MEGF11: variants seen among roughly 807,000 people sequenced by gnomAD.
MEGF11 encodes multiple epidermal growth factor-like domains protein 11.
MEGF11 carries 126 observed loss-of-function variants against 146.6 expected under a neutral mutation model. The ratio of observed to expected loss-of-function variants is 0.86; its 90% CI spans 0.74 to 1.00. The LOEUF (loss-of-function observed/expected upper bound fraction) is 1.00. Among genes scored for constraint, MEGF11 ranks in the 50% least tolerant of loss-of-function variants. MEGF11 has a pLI of 0.00. For synonymous variants in MEGF11, 532 were observed against 583.4 expected (o/e 0.91, Z 1.27); for missense variants, 1,509 against 1,521.2 (o/e 0.99, Z 0.13).
intron 5 of MEGF11, among the ~76,000 whole-genome samples, chr15:66,025,316 T>TGG (rs769808852): frequency 6.6e-6 from 1 of 151,662 alleles, no homozygotes; most frequent in African/African-American, 2.4e-5. Context: ...GATTCCTGAG[T>TGG]GGGGGGGCTC....
intron 10 of MEGF11, among the ~76,000 whole-genome samples, chr15:65,939,785 GCCCAGCCCTCTTTAACTCTCC>G (rs1289586104): frequency 6.6e-6 from 1 of 152,104 alleles, no homozygotes; most frequent in Non-Finnish European, 1.5e-5. Flanking sequence ...GAGCCACCGT[GCCCAGCCCTCTTTAACTCTCC>G]CCCAGCCCTC....
intron 10 of MEGF11, among the ~76,000 whole-genome samples, chr15:65,943,504 G>A (rs745925757): frequency 3.9e-5 from 6 of 152,078 alleles, no homozygotes; most frequent in Non-Finnish European, 7.4e-5. Flanking sequence ...GATGTATTTC[G>A]TGTGATTAAC....
rs564603552 is a variant in MEGF11, at chr15:66,147,013, C to T, written c.-8-18602G>A. Among the ~76,000 whole-genome samples, 12 of 152,328 alleles carry T rather than the reference C, an allele frequency of 7.9e-5. 1 individual carries two copies. Among genetic ancestry groups the T allele is most frequent in the Admixed American group, 2.0e-4 (3 of 15,308 alleles). ...CTCCAAGGCAGGCATAATGTGGACA[C>T]CATTCCTCACTGGGAATTGGGGATA... is the stretch of plus-strand genomic sequence containing the variant. On this transcript the variant is annotated intron_variant, in intron 1 of 25. Coordinates refer to ENST00000395614, the MANE Select transcript of MEGF11 (RefSeq NM_001385028.1).
intron 5 of MEGF11, among the ~76,000 whole-genome samples, chr15:66,079,989 G>A (rs2085777876): frequency 6.6e-6 from 1 of 152,230 alleles, no homozygotes; most frequent in Non-Finnish European, 1.5e-5. Flanking sequence ...GCATGGGAGA[G>A]AGGAGACTCA....
chr15:65,943,880 G>A (rs72742829), intron 10 of MEGF11, among the ~76,000 whole-genome samples: 4,313 of 152,214 alleles, frequency 0.028, 93 homozygotes, highest in Middle Eastern at 0.068. Flanking sequence ...AGAGCCCAGC[G>A]CCCTAGGTGA....
chr15:65,899,561 G>A (rs887107339), intron 24 of MEGF11, among the ~76,000 whole-genome samples: 2 of 152,168 alleles, frequency 1.3e-5, no homozygotes, highest in Non-Finnish European at 2.9e-5. Context: ...AGGCATGCAT[G>A]TTTTAGCACA....
intron 5 of MEGF11, among the ~76,000 whole-genome samples, chr15:66,090,638 C>G (rs554961102): frequency 3.3e-5 from 5 of 152,222 alleles, no homozygotes; most frequent in Non-Finnish European, 5.9e-5. Context: ...CTGAAGCCAG[C>G]AGGCCCCACG....
intron 1 of MEGF11, among the ~76,000 whole-genome samples, chr15:66,179,234 G>C (rs1229151122): frequency 1.3e-5 from 2 of 152,174 alleles, no homozygotes; most frequent in African/African-American, 4.8e-5. Flanking sequence ...CCAGGTTCTA[G>C]AGAGTCTCCC....
intron 5 of MEGF11, among the ~76,000 whole-genome samples, chr15:66,085,889 G>A (rs188950190): frequency 6.6e-6 from 1 of 152,236 alleles, no homozygotes; most frequent in African/African-American, 2.4e-5. Flanking sequence ...ACCAGAGAAA[G>A]GTGAAGCCCA....
chr15:66,194,141 A>G (rs977792199), intron 1 of MEGF11, among the ~76,000 whole-genome samples: 3 of 152,268 alleles, frequency 2.0e-5, no homozygotes, highest in Admixed American at 1.3e-4. Context: ...AAAATGTGGT[A>G]TACATACCAT....
At chr15:66,000,228 C>T (rs1311878239) in intron 5 of MEGF11, among the ~76,000 whole-genome samples, 1 of 152,120 alleles carries the variant, frequency 6.6e-6, no homozygotes, top group Non-Finnish European at 1.5e-5. Context: ...AAGGTGAGCA[C>T]TGAGGGGTCT....
At chr15:66,209,918 C>T (rs2091401407) in intron 1 of MEGF11, among the ~76,000 whole-genome samples, 1 of 151,902 alleles carries the variant, frequency 6.6e-6, no homozygotes, top group Non-Finnish European at 1.5e-5. Context: ...CTCCTGGGCT[C>T]AAGTGATCCT....
intron 11 of MEGF11, among the ~76,000 whole-genome samples, chr15:65,930,448 C>T (rs557647038): frequency 9.2e-5 from 14 of 152,130 alleles, no homozygotes; most frequent in Non-Finnish European, 1.9e-4. Flanking sequence ...GGTGGTGGCG[C>T]AGCCCCTCTC....
chr15:65,959,952 T>C (rs537975135), intron 9 of MEGF11, among the ~76,000 whole-genome samples: 52 of 152,314 alleles, frequency 3.4e-4, no homozygotes, highest in African/African-American at 1.3e-3. Context: ...CCACAGGGCA[T>C]TGGTTAAATG....
chr15:66,019,171 G>T (rs905331068), intron 5 of MEGF11, among the ~76,000 whole-genome samples: 1 of 152,176 alleles, frequency 6.6e-6, no homozygotes, highest in Non-Finnish European at 1.5e-5. Context: ...GGGCCTGTGC[G>T]TGGGAACCAG....
At chr15:66,233,159 A>G (rs766700044) in intron 1 of MEGF11, among the ~76,000 whole-genome samples, 1 of 152,210 alleles carries the variant, frequency 6.6e-6, no homozygotes, top group Non-Finnish European at 1.5e-5. Flanking sequence ...AGAGCATACT[A>G]TGTGCCAGGC....
chr15:66,080,324 A>G (rs892716961), intron 5 of MEGF11, among the ~76,000 whole-genome samples: 8 of 152,164 alleles, frequency 5.3e-5, no homozygotes, highest in African/African-American at 1.7e-4. Flanking sequence ...TCAGGCCATT[A>G]TGTAACCTCT....
At chr15:66,244,491 C>T (rs1033723288) in intron 1 of MEGF11, among the ~76,000 whole-genome samples, 1 of 152,048 alleles carries the variant, frequency 6.6e-6, no homozygotes, top group African/African-American at 2.4e-5. Context: ...AACAGGCACC[C>T]AAAGGTCGGG....
At chr15:66,103,277 C>A (rs2086906363) in intron 4 of MEGF11, among the ~76,000 whole-genome samples, 1 of 152,200 alleles carries the variant, frequency 6.6e-6, no homozygotes, top group African/African-American at 2.4e-5. Flanking sequence ...GCTAAGTCTG[C>A]AGGCTACTGG....
Sources: allele counts gnomAD v4.1 joint callset (sites outside exome capture counted in the v4.1 genomes callset), GRCh38; gene constraint gnomAD v4.1.1; transcripts MANE v1.5; gene names NCBI Gene and HGNC (gene_info 2026-07-23, HGNC 2026-07-21).